Variants in PDXK observed in about 807,000 individuals in gnomAD.
PDXK encodes the protein epididymis secretory sperm binding protein Li 1a.
In PDXK, 15 loss-of-function variants were observed where a neutral mutation model predicts 43.2. That is an observed-to-expected ratio of 0.35 (90% CI 0.23 to 0.53). The LOEUF is 0.53. Ranked by LOEUF, PDXK falls within the 20% of genes least tolerant of loss-of-function variation. PDXK has a pLI of 0.92. For missense variants in PDXK, 343 were observed against 417.0 expected (o/e 0.82, Z 1.54); for synonymous variants, 172 against 165.4 (o/e 1.04, Z -0.31).
At chr21:43,742,061 G>A (rs1051447068) in intron 3 of PDXK, among the ~76,000 whole-genome samples, 4 of 152,304 alleles carry the variant, frequency 2.6e-5, no homozygotes, top group African/African-American at 9.6e-5. Flanking sequence ...TGTTGGGAAC[G>A]CTGACCGGGG....
In PDXK at chr21:43,723,909, C is replaced by T. The variant is rs1002183731; in HGVS notation, c.87+4528C>T. On this transcript the variant is annotated intron_variant, in intron 1 of 10. Transcript: ENST00000291565. This position sits in a 1 kb window ranked among gnomAD's most constrained non-coding sequence, Gnocchi z 4.1. The stretch of plus-strand genomic sequence containing the variant: ...GGACCACAGTGCAGGTGCGCTTTCA[C>T]AGGGCCGCTCCTAGGGAGGAGGTTG... 2 of 152,292 alleles carry T rather than the reference C, an allele frequency of 1.3e-5. No homozygotes were observed. Among genetic ancestry groups the T allele is most frequent in the African/African-American group, 4.8e-5 (2 of 41,476 alleles). The allele number at this position is 152,292 out of a possible 1,614,324, so 9.4% of individuals were successfully genotyped here.
intron 1 of PDXK, among the ~76,000 whole-genome samples, chr21:43,724,840 CAAA>C (rs553153040): frequency 1.3e-4 from 14 of 111,412 alleles, no homozygotes; most frequent in African/African-American, 2.6e-4. Flanking sequence ...GACCCTGTCT[CAAA>C]AAAAAAAAAA....
chr21:43,746,089 A>C lies in PDXK; in HGVS notation c.342A>C (p.Pro114=). ...CTTGTGTCTCTGCAGTGTGTGATCC[A>C]GTCTTGGGTGACAAGTGGGACGGCG... is the stretch of plus-strand genomic sequence containing the variant. ...QNPRLVYVCD[P]VLGDKWDGEG... is the part of the protein sequence containing the mutation. Residue 114 remains proline (P), a synonymous_variant, in exon 5 of 11, where the codon CCA becomes CCC. Transcript: ENST00000291565. 1 of 1,613,630 alleles carries C rather than the reference A, an allele frequency of 6.2e-7. No individual in the cohort carries two copies. The highest frequency in any genetic ancestry group is 8.5e-7 in the Non-Finnish European group (1 of 1,179,496).
intron 1 of PDXK, chr21:43,719,621 G>T: frequency 1.0e-6 from 1 of 985,422 alleles, no homozygotes; most frequent in African/African-American, 1.7e-5. Flanking sequence ...GTCGGGGTAC[G>T]CGGGTAGGAG....
In PDXK at chr21:43,757,866, G is replaced by T. The variant is rs540726244; in HGVS notation, c.*1803G>T. The T allele has an allele frequency of 6.6e-6, 1 of 152,380 alleles. No homozygotes were observed. Among genetic ancestry groups the T allele is most frequent in the African/African-American group, 2.4e-5 (1 of 41,584 alleles). 9.4% of individuals were successfully genotyped at this position (152,380 alleles called of 1,614,324 possible). ...GAGGCGGCCTCCCCAGTATGTGAGT[G>T]CAGGGATCTGCCAGAACCACCTGGC... On this transcript the variant is annotated 3_prime_UTR_variant, in exon 11 of 11. Transcript: ENST00000291565.
In PDXK at chr21:43,732,655, T is replaced by C; in HGVS notation, c.88-1414T>C. 1.3e-6 allele frequency: 1 copy of C among 779,272 alleles called. No individual in the cohort carries two copies. Among genetic ancestry groups the C allele is most frequent in the East Asian group, 2.4e-5 (1 of 41,230 alleles). The allele number at this position is 779,272 out of a possible 1,614,324, so 48.3% of individuals were successfully genotyped here. The stretch of plus-strand genomic sequence containing the variant: ...TCTGTTTCTTCACAGTCGGTTAGAA[T>C]TTTAAAGGATTTGAAATACTGCAAG... On this transcript the variant is annotated intron_variant, in intron 1 of 10. Coordinates refer to ENST00000291565, the MANE Select transcript of PDXK (RefSeq NM_003681.5). This position sits in a 1 kb window ranked among gnomAD's most constrained non-coding sequence, Gnocchi z 4.1.
chr21:43,733,357 G>C (rs2083351249), intron 1 of PDXK, among the ~76,000 whole-genome samples: 1 of 151,650 alleles, frequency 6.6e-6, no homozygotes, highest in African/African-American at 2.4e-5. Flanking sequence ...CTCAGGGGTG[G>C]TTGGCTGTTC....
In PDXK at chr21:43,758,246, TAGG is replaced by T. The variant is rs2083883798; in HGVS notation, c.*2186_*2188del. On this transcript the variant is annotated 3_prime_UTR_variant, in exon 11 of 11. Transcript: ENST00000291565. Reference sequence around the variant, plus strand: ...GGACTTCCCTGTATTAAGCAAGAATTAGGAGAATGGCTGTCCCTGCAGGCGCCT... The same window carrying T: ...GGACTTCCCTGTATTAAGCAAGAATTAGAATGGCTGTCCCTGCAGGCGCCT... 6.5e-6 allele frequency: 1 copy of T among 153,708 alleles called. No individual in the cohort carries two copies. The allele number at this position is 153,708 out of a possible 1,614,324, so 9.5% of individuals were successfully genotyped here. A position where few individuals can be genotyped will look rare whatever the true frequency, so the allele number is the denominator to read the frequency against.
chr21:43,743,827 C>A lies in PDXK; in HGVS notation c.331+20C>A. 1 of 1,581,570 alleles carries A rather than the reference C, an allele frequency of 6.3e-7. No homozygotes were observed. Among genetic ancestry groups the A allele is most frequent in the Non-Finnish European group, 8.7e-7 (1 of 1,152,532 alleles). ...TGTACGGTAGGCAGGGGCCCACCCT[C>A]GGGTCTGGCTGTGTGGCCCCACACG... On this transcript the variant is annotated intron_variant, in intron 4 of 10. Coordinates refer to ENST00000291565, the MANE Select transcript of PDXK (RefSeq NM_003681.5).
chr21:43,749,205 A>G (rs991677129), intron 6 of PDXK, 125 bp downstream of exon 6: 45 of 530,486 alleles, frequency 8.5e-5, no homozygotes, highest in Admixed American at 2.3e-4. Flanking sequence ...CCGGGGTTCA[A>G]GCAATTCTCC....
chr21:43,727,008 T>C (rs745744538), intron 1 of PDXK, among the ~76,000 whole-genome samples: 1 of 152,330 alleles, frequency 6.6e-6, no homozygotes, highest in Non-Finnish European at 1.5e-5. Flanking sequence ...GTATGCGGTG[T>C]GTTGCTCTGC....
At chr21:43,739,611 CCAT>C (rs1272122174) in intron 2 of PDXK, among the ~76,000 whole-genome samples, 2 of 150,502 alleles carry the variant, frequency 1.3e-5, no homozygotes, top group African/African-American at 4.8e-5. Context: ...CCCCTTGAAA[CCAT>C]CAGCTTTTGT....
In PDXK at chr21:43,737,361, A is replaced by G. The variant is rs2083423013; in HGVS notation, c.142+3238A>G. ...CCCCCGTTCCTTGAGGCCGTACCAC[A>G]AGGTGCGTTCATTTTTCCACACCGT... On this transcript the variant is annotated intron_variant, in intron 2 of 10. Coordinates refer to ENST00000291565, the MANE Select transcript of PDXK (RefSeq NM_003681.5). This position sits in a 1 kb window ranked among gnomAD's most constrained non-coding sequence, Gnocchi z 4.8. The G allele has an allele frequency of 1.7e-5, 21 of 1,261,780 alleles. No individual in the cohort carries two copies. Among genetic ancestry groups the G allele is most frequent in the Non-Finnish European group, 2.1e-5 (21 of 997,684 alleles). The allele number at this position is 1,261,780 out of a possible 1,614,324, so 78.2% of individuals were successfully genotyped here.
At chr21:43,751,024 T>C (rs1417438345) in intron 7 of PDXK, among the ~76,000 whole-genome samples, 1 of 152,168 alleles carries the variant, frequency 6.6e-6, no homozygotes, top group Non-Finnish European at 1.5e-5. Context: ...GCTTGAGCTG[T>C]GTGGGGGCTC....
rs1349628580 is a variant in PDXK at position 43,756,679 on chromosome 21, A to C, written c.*616A>C. On this transcript the variant is annotated 3_prime_UTR_variant, in exon 11 of 11. Transcript: ENST00000291565. Reference sequence around the variant, plus strand: ...TTGATGTGAGCTTGCTTGGAGACACACGGTGCAGCATCAGGGACCTTCCCA... The same window carrying C: ...TTGATGTGAGCTTGCTTGGAGACACCCGGTGCAGCATCAGGGACCTTCCCA... The C allele has an allele frequency of 6.6e-6, 1 of 152,562 alleles. No individual in the cohort carries two copies. The highest frequency in any genetic ancestry group is 2.4e-5 in the African/African-American group (1 of 41,434). 9.5% of individuals were successfully genotyped at this position (152,562 alleles called of 1,614,324 possible).
At position 43,755,583 on chromosome 21, in the gene PDXK, G is replaced by A. The variant is rs1253807499; in HGVS notation, c.760-115G>A. On this transcript the variant is annotated intron_variant, in intron 9 of 10. Coordinates refer to ENST00000291565, the MANE Select transcript of PDXK (RefSeq NM_003681.5). ...GTGCATTGGCGGAGCCGGCTCCCCG[G>A]TGGCTCGGAGAGCAGGACGGCCCTT... 1.1e-5 allele frequency: 10 copies of A among 885,364 alleles called. No individual in the cohort carries two copies. The Admixed American group carries it at 1.8e-4, about 16-fold the overall frequency. 54.8% of individuals were successfully genotyped at this position (885,364 alleles called of 1,614,324 possible).
chr21:43,739,631 TCAGTCA>T (rs1348487897), intron 2 of PDXK, among the ~76,000 whole-genome samples: 1 of 151,646 alleles, frequency 6.6e-6, no homozygotes, highest in Non-Finnish European at 1.5e-5. Context: ...TTGTGAGAAC[TCAGTCA>T]CTATCATGAG....
intron 1 of PDXK, among the ~76,000 whole-genome samples, chr21:43,728,352 A>G (rs1205463748): frequency 6.6e-6 from 1 of 152,136 alleles, no homozygotes; most frequent in Non-Finnish European, 1.5e-5. Context: ...CTGGTTTCCT[A>G]AAGTGGTCAG....
In PDXK at chr21:43,723,998, C is replaced by G. The variant is rs1317863057; in HGVS notation, c.87+4617C>G. On this transcript the variant is annotated intron_variant, in intron 1 of 10. Transcript: ENST00000291565. The surrounding 1 kb of genome is among the most constrained non-coding windows in gnomAD (Gnocchi z 4.1). Reference sequence around the variant, plus strand: ...GAGAATCTCACTTGGGGCCTTAGCTCGAGACCCATTTAAATACCACATCGC... The same window carrying G: ...GAGAATCTCACTTGGGGCCTTAGCTGGAGACCCATTTAAATACCACATCGC... 1 of 152,212 alleles carries G rather than the reference C, an allele frequency of 6.6e-6. No individual in the cohort carries two copies. Among genetic ancestry groups the G allele is most frequent in the Non-Finnish European group, 1.5e-5 (1 of 68,048 alleles). 9.4% of individuals were successfully genotyped at this position (152,212 alleles called of 1,614,324 possible). A position where few individuals can be genotyped will look rare whatever the true frequency, so the allele number is the denominator to read the frequency against.
Sources: gnomAD v4.1 joint callset for allele counts (sites outside exome capture counted in the v4.1 genomes callset) on GRCh38, gnomAD v4.1.1 for gene constraint, Gnocchi (gnomAD v3.1) non-coding constraint, MANE v1.5 for transcripts, NCBI Gene and HGNC (gene_info 2026-07-23, HGNC 2026-07-21) for gene names.